Variants in PLXDC2 observed in about 807,000 individuals in gnomAD.
PLXDC2 encodes the protein plexin domain-containing protein 2.
PLXDC2 carries 40 observed loss-of-function variants against 68.9 expected under a neutral mutation model. The ratio of observed to expected loss-of-function variants is 0.58; its 90% CI spans 0.45 to 0.76. The LOEUF is 0.76. PLXDC2 is among the 30% of genes least tolerant of loss of function. The pLI, the probability that PLXDC2 is intolerant of heterozygous loss-of-function variation, is 0.00. For synonymous variants in PLXDC2, 243 were observed against 234.2 expected, an observed-to-expected ratio of 1.04 and a Z score of -0.34; for missense variants, 644 against 661.9, an observed-to-expected ratio of 0.97 and a Z score of 0.30.
chr10:19,971,587 C>A (rs11598482), intron 1 of PLXDC2, among the ~76,000 whole-genome samples: 7,921 of 152,204 alleles, frequency 0.052, 263 homozygotes, highest in Middle Eastern at 0.092. Context: ...TGGATAAAGA[C>A]AAATGAGCAG....
chr10:19,849,346 ATT>A (rs1275381203), intron 1 of PLXDC2, among the ~76,000 whole-genome samples: 2 of 152,128 alleles, frequency 1.3e-5, no homozygotes, highest in East Asian at 3.9e-4. Flanking sequence ...AAGTCACCAA[ATT>A]TTTTAATGAA....
intron 1 of PLXDC2, among the ~76,000 whole-genome samples, chr10:19,990,530 A>G (rs1445121114): frequency 6.6e-6 from 1 of 152,156 alleles, no homozygotes; most frequent in Non-Finnish European, 1.5e-5. Context: ...GAGCTCAACT[A>G]ATCTACAGGT....
At chr10:19,955,086 T>C (rs1199950009) in intron 1 of PLXDC2, among the ~76,000 whole-genome samples, 1 of 150,612 alleles carries the variant, frequency 6.6e-6, no homozygotes, top group African/African-American at 2.4e-5. Flanking sequence ...TTTTTTTTTT[T>C]TTTTTTTTTT....
intron 3 of PLXDC2, among the ~76,000 whole-genome samples, chr10:20,047,844 T>C (rs1464193256): frequency 1.3e-5 from 2 of 152,134 alleles, no homozygotes; most frequent in Non-Finnish European, 2.9e-5. Context: ...TAGAAAGTGG[T>C]AAACTGAGGT....
chr10:20,082,360 G>A (rs1202272437), intron 4 of PLXDC2, among the ~76,000 whole-genome samples: 2 of 151,768 alleles, frequency 1.3e-5, no homozygotes, highest in African/African-American at 4.8e-5. Context: ...AATCAGGTGT[G>A]GAGTATATGG....
intron 4 of PLXDC2, among the ~76,000 whole-genome samples, chr10:20,075,733 G>A (rs547291263): frequency 1.8e-4 from 27 of 152,138 alleles, no homozygotes; most frequent in Non-Finnish European, 3.2e-4. Context: ...ACAATTAGAT[G>A]TAAACAAAAC....
At chr10:20,228,566 A>T (rs1026789998) in intron 12 of PLXDC2, among the ~76,000 whole-genome samples, 1 of 149,406 alleles carries the variant, frequency 6.7e-6, no homozygotes, top group African/African-American at 2.5e-5. Flanking sequence ...AAAAAAAATT[A>T]AAAAATAAGA....
intron 1 of PLXDC2, among the ~76,000 whole-genome samples, chr10:19,957,173 C>G (rs1407472074): frequency 6.6e-6 from 1 of 152,160 alleles, no homozygotes; most frequent in African/African-American, 2.4e-5. Flanking sequence ...TTACTTCCAT[C>G]TCTCATTCTA....
At chr10:19,984,629 G>T (rs1023794282) in intron 1 of PLXDC2, among the ~76,000 whole-genome samples, 1 of 152,132 alleles carries the variant, frequency 6.6e-6, no homozygotes, top group East Asian at 1.9e-4. Flanking sequence ...TGATTTCTGC[G>T]CATGACTGAT....
chr10:20,134,168 C>T (rs1833903996), intron 4 of PLXDC2, among the ~76,000 whole-genome samples: 1 of 152,184 alleles, frequency 6.6e-6, no homozygotes, highest in Non-Finnish European at 1.5e-5. Flanking sequence ...CACTCAGCTT[C>T]AAGATAATTA....
At chr10:19,945,470 C>T (rs538342298) in intron 1 of PLXDC2, among the ~76,000 whole-genome samples, 30 of 152,348 alleles carry the variant, frequency 2.0e-4, no homozygotes, top group African/African-American at 7.2e-4. Flanking sequence ...TGGCAACACT[C>T]ACTGAGGATC....
At chr10:20,040,724 T>G (rs1239955075) in intron 2 of PLXDC2, among the ~76,000 whole-genome samples, 1 of 152,040 alleles carries the variant, frequency 6.6e-6, no homozygotes, top group African/African-American at 2.4e-5. Context: ...TTATTAGAAT[T>G]TGGAAGGGAG....
intron 4 of PLXDC2, among the ~76,000 whole-genome samples, chr10:20,108,802 C>A (rs190213052): frequency 6.6e-6 from 1 of 152,022 alleles, no homozygotes; most frequent in African/African-American, 2.4e-5. Context: ...TGACTTTTTA[C>A]AAGAAATATT....
chr10:19,886,469 A>G (rs139650254), intron 1 of PLXDC2, among the ~76,000 whole-genome samples: 6,930 of 152,304 alleles, frequency 0.046, 204 homozygotes, highest in Middle Eastern at 0.12. Flanking sequence ...AGCTGATTCA[A>G]TATACACAAG....
chr10:19,832,983 G>A (rs2131310842), intron 1 of PLXDC2, among the ~76,000 whole-genome samples: 2 of 152,304 alleles, frequency 1.3e-5, no homozygotes, highest in East Asian at 3.9e-4. Context: ...TAACACAGCA[G>A]TAAAATTACT....
chr10:20,043,510 G>A (rs1241629284), intron 2 of PLXDC2: 2 of 152,050 alleles, frequency 1.3e-5, no homozygotes, highest in African/African-American at 4.8e-5. Context: ...TAAGGAAAAT[G>A]CCAAGGTTAT....
chr10:20,254,633 G>A (rs1250010190), intron 13 of PLXDC2, among the ~76,000 whole-genome samples: 2 of 151,918 alleles, frequency 1.3e-5, no homozygotes, highest in Non-Finnish European at 2.9e-5. Context: ...TTTATGGCCT[G>A]CTGCAAGGAA....
At chr10:19,981,689 G>T (rs28720110) in intron 1 of PLXDC2, among the ~76,000 whole-genome samples, 16,145 of 152,134 alleles carry the variant, frequency 0.11, 961 homozygotes, top group East Asian at 0.24. Context: ...TTTAGTGGTG[G>T]CTAATTCAGC....
intron 4 of PLXDC2, among the ~76,000 whole-genome samples, chr10:20,116,393 G>A (rs868157867): frequency 6.6e-6 from 1 of 152,076 alleles, no homozygotes; most frequent in Admixed American, 6.6e-5. Flanking sequence ...CACAGTTCTG[G>A]TTCTATTGCC....
Sources: gnomAD v4.1 joint callset for allele counts (sites outside exome capture counted in the v4.1 genomes callset) on GRCh38, gnomAD v4.1.1 for gene constraint, MANE v1.5 for transcripts, NCBI Gene and HGNC (gene_info 2026-07-23, HGNC 2026-07-21) for gene names.